The following HEATR4 variants were observed in gnomAD, a reference collection of about 807,000 sequenced individuals.
HEATR4 encodes HEAT repeat containing 4.
A neutral mutation model predicts 108.8 loss-of-function variants in HEATR4; 95 were observed. That is an observed-to-expected ratio of 0.87 (90% CI 0.74 to 1.04). HEATR4 has a LOEUF of 1.04. Ranked by LOEUF, HEATR4 falls within the 50% of genes least tolerant of loss-of-function variation. HEATR4 has a pLI of 0.00. For synonymous variants in HEATR4, 443 were observed against 459.4 expected (o/e 0.96, Z 0.46); for missense variants, 1,152 against 1,253.8 (o/e 0.92, Z 1.23).
At chr14:73,540,309 A>G (rs1170494208) in intron 1 of HEATR4, among the ~76,000 whole-genome samples, 2 of 151,190 alleles carry the variant, frequency 1.3e-5, no homozygotes, top group Non-Finnish European at 3.0e-5. Flanking sequence ...AGCAAAGTCA[A>G]CTGGAAACAG....
At chr14:73,577,899 G>A in the HEATR4 span, among the ~76,000 whole-genome samples, 36 of 151,846 alleles carry the variant, frequency 2.4e-4, no homozygotes, top group Admixed American at 2.1e-3. Context: ...TGCCCAGGCT[G>A]GAGTACAATG....
intron 2 of HEATR4, among the ~76,000 whole-genome samples, chr14:73,523,602 T>A (rs954615428): frequency 1.3e-5 from 2 of 152,242 alleles, no homozygotes; most frequent in Non-Finnish European, 2.9e-5. Flanking sequence ...CCTCAGTTTA[T>A]GACTTTGTCC....
At chr14:73,597,090 A>G in the HEATR4 span, among the ~76,000 whole-genome samples, 1 of 145,584 alleles carries the variant, frequency 6.9e-6, no homozygotes. Flanking sequence ...TTATTTATTT[A>G]TTTATTTTTT....
At chr14:73,613,911 C>T in the HEATR4 span, among the ~76,000 whole-genome samples, 17 of 151,294 alleles carry the variant, frequency 1.1e-4, no homozygotes, top group South Asian at 3.6e-3. Flanking sequence ...AATGATGAGC[C>T]GGGCACAGTG....
At chr14:73,632,982 T>C in the HEATR4 span, among the ~76,000 whole-genome samples, 8 of 150,918 alleles carry the variant, frequency 5.3e-5, no homozygotes, top group African/African-American at 2.0e-4. Flanking sequence ...ATATCTGTAA[T>C]TCAGCTTTCT....
In HEATR4 at chr14:73,492,705, G is replaced by A; in HGVS notation, c.2844+361C>T. 6.2e-7 allele frequency: 1 copy of A among 1,613,940 alleles called. No homozygotes were observed. The highest frequency in any genetic ancestry group is 8.5e-7 in the Non-Finnish European group (1 of 1,179,886). Reference sequence around the variant, plus strand: ...ATAGCTCGGCTGGTGGGTGAGGGGGGCCATTTGTTTCTCTATTACACAGTG... The same window carrying A: ...ATAGCTCGGCTGGTGGGTGAGGGGGACCATTTGTTTCTCTATTACACAGTG... On this transcript the variant is annotated intron_variant, in intron 17 of 17. Coordinates refer to ENST00000553558, the MANE Select transcript of HEATR4 (RefSeq NM_001220484.1). The surrounding 1 kb of genome is among the most constrained non-coding windows in gnomAD (Gnocchi z 4.9).
the HEATR4 span, among the ~76,000 whole-genome samples, chr14:73,568,304 TATAAA>T: frequency 6.6e-6 from 1 of 151,322 alleles, no homozygotes; most frequent in Non-Finnish European, 1.5e-5. Flanking sequence ...GGTAGGAAAT[TATAAA>T]ATCAGGTACA....
rs1888826316 is a variant in HEATR4 at position 73,535,462 on chromosome 14, CTTCTTTCTTTTTTTTTTTTT to C, written c.-151-5238_-151-5219del. On this transcript the variant is annotated intron_variant, in intron 1 of 17. Transcript: ENST00000553558. Reference sequence around the variant, plus strand: ...CCCTCTCCCTTTTTCTTTTCTTTTTCTTCTTTCTTTTTTTTTTTTTTTTTTTTTTTTTTTTTTTTTTTTTT... The same window carrying C: ...CCCTCTCCCTTTTTCTTTTCTTTTTCTTTTTTTTTTTTTTTTTTTTTTTTT... Among the ~76,000 whole-genome samples the C allele has an allele frequency of 4.2e-4, 25 of 59,330 alleles. 7 individuals carry two copies. Among genetic ancestry groups the C allele is most frequent in the South Asian group, 6.4e-4 (1 of 1,566 alleles). The allele number at this position is 59,330 out of a possible 152,430, so 38.9% of individuals were successfully genotyped here.
chr14:73,574,949 G>T, the HEATR4 span: 1 of 1,604,544 alleles, frequency 6.2e-7, no homozygotes, highest in Non-Finnish European at 8.5e-7. Flanking sequence ...TTTCCAAAGG[G>T]GGTGAGCTCT....
intron 2 of HEATR4, among the ~76,000 whole-genome samples, chr14:73,524,308 A>ATATATATATATATAT (rs1463658661): frequency 6.0e-5 from 5 of 83,562 alleles, no homozygotes; most frequent in Non-Finnish European, 8.7e-5. Flanking sequence ...AAAAAAAAAA[A>ATATATATATATATAT]AAATATATAT....
At chr14:73,629,139 C>G in the HEATR4 span, among the ~76,000 whole-genome samples, 207 of 152,030 alleles carry the variant, frequency 1.4e-3, 1 homozygote, top group African/African-American at 4.6e-3. Context: ...CTGTGGCCTT[C>G]AAATGGAGGC....
At chr14:73,511,532 T>C (rs1388033114) in intron 7 of HEATR4, among the ~76,000 whole-genome samples, 2 of 119,800 alleles carry the variant, frequency 1.7e-5, no homozygotes, top group African/African-American at 6.1e-5. Flanking sequence ...AATAAATAAA[T>C]AAATAAATAA....
At chr14:73,521,641 T>G (rs1197277675) in intron 3 of HEATR4, among the ~76,000 whole-genome samples, 1 of 152,240 alleles carries the variant, frequency 6.6e-6, no homozygotes, top group African/African-American at 2.4e-5. Context: ...CAGTCTTCCC[T>G]CTAGCTATAA....
At chr14:73,592,852 CAAAAAAA>C in the HEATR4 span, among the ~76,000 whole-genome samples, 3 of 151,134 alleles carry the variant, frequency 2.0e-5, no homozygotes, top group East Asian at 1.9e-4. Flanking sequence ...GACTCCGTCT[CAAAAAAA>C]GAAAAAAGAA....
chr14:73,496,491 G>A (rs1310724546), intron 15 of HEATR4, 110 bp downstream of exon 15: 1 of 677,014 alleles, frequency 1.5e-6, no homozygotes, highest in South Asian at 1.8e-5. Context: ...GTTTTAGAAA[G>A]TACTTCTATG....
chr14:73,554,443 A>T (rs1358789995), intron 1 of HEATR4, among the ~76,000 whole-genome samples: 1 of 115,860 alleles, frequency 8.6e-6, no homozygotes, highest in African/African-American at 2.8e-5. Context: ...TATTTCCATC[A>T]ACTATTTTTA....
chr14:73,616,267 C>T, the HEATR4 span, among the ~76,000 whole-genome samples: 13 of 151,936 alleles, frequency 8.6e-5, no homozygotes, highest in Non-Finnish European at 1.6e-4. Context: ...CACACCTGGC[C>T]TCATTATGTT....
At chr14:73,575,643 A>G in the HEATR4 span, 2 of 1,510,004 alleles carry the variant, frequency 1.3e-6, no homozygotes, top group Non-Finnish European at 8.9e-7. Context: ...TATTAAAATG[A>G]ATTTACCAGT....
At chr14:73,559,177 A>G (rs1424610383), upstream of HEATR4, among the ~76,000 whole-genome samples, 4 of 151,844 alleles carry the variant, frequency 2.6e-5, no homozygotes, top group African/African-American at 9.7e-5. Flanking sequence ...TCAGTTGCCT[A>G]GGCTGGAGTG....
Sources: gnomAD v4.1 joint callset for allele counts (sites outside exome capture counted in the v4.1 genomes callset) on GRCh38, gnomAD v4.1.1 for gene constraint, Gnocchi (gnomAD v3.1) non-coding constraint, MANE v1.5 for transcripts, NCBI Gene and HGNC (gene_info 2026-07-23, HGNC 2026-07-21) for gene names.